TRABD2B: variants seen among roughly 807,000 people sequenced by gnomAD.
The protein encoded by TRABD2B is metalloprotease TIKI2.
A neutral mutation model predicts 40.1 loss-of-function variants in TRABD2B; 14 were observed. The observed-to-expected ratio is 0.35, with a 90% confidence interval of 0.23 to 0.55. TRABD2B has a LOEUF of 0.55. Among genes scored for constraint, TRABD2B ranks in the 20% least tolerant of loss-of-function variants. TRABD2B has a pLI of 0.90. For missense variants in TRABD2B, 541 were observed against 648.6 expected, an observed-to-expected ratio of 0.83 and a Z score of 1.80; for synonymous variants, 263 against 277.0, an observed-to-expected ratio of 0.95 and a Z score of 0.50.
chr1:47,992,552 T>G (rs1364181298), intron 2 of TRABD2B, among the ~76,000 whole-genome samples: 1 of 152,114 alleles, frequency 6.6e-6, no homozygotes, highest in Non-Finnish European at 1.5e-5. Flanking sequence ...AAAAAAGATA[T>G]CGAGGCCAGA....
chr1:47,932,307 C>T (rs1019484809), intron 2 of TRABD2B, among the ~76,000 whole-genome samples: 1 of 152,126 alleles, frequency 6.6e-6, no homozygotes, highest in Non-Finnish European at 1.5e-5. Flanking sequence ...ACAGAAGGTG[C>T]ACCAAGGAGA....
chr1:47,898,774 A>G (rs1466536239), intron 2 of TRABD2B, among the ~76,000 whole-genome samples: 3 of 152,180 alleles, frequency 2.0e-5, no homozygotes, highest in African/African-American at 7.2e-5. Flanking sequence ...GGGGTGTTAA[A>G]TGATGTATGG....
chr1:47,859,652 G>A (rs1347313341), intron 2 of TRABD2B, among the ~76,000 whole-genome samples: 1 of 152,190 alleles, frequency 6.6e-6, no homozygotes, highest in Non-Finnish European at 1.5e-5. Context: ...TCATCGTGGT[G>A]GAAGAAGCAG....
chr1:47,976,530 C>G (rs921217480), intron 2 of TRABD2B, among the ~76,000 whole-genome samples: 1 of 152,168 alleles, frequency 6.6e-6, no homozygotes, highest in East Asian at 1.9e-4. Flanking sequence ...TATTTCTACT[C>G]TCATGGAGCT....
intron 2 of TRABD2B, among the ~76,000 whole-genome samples, chr1:47,882,931 C>A (rs747376196): frequency 1.1e-4 from 17 of 152,118 alleles, no homozygotes; most frequent in Non-Finnish European, 2.1e-4. Context: ...GCTGCTCATT[C>A]CCACAACCCC....
intron 2 of TRABD2B, among the ~76,000 whole-genome samples, chr1:47,816,915 T>A (rs985842436): frequency 6.6e-6 from 1 of 152,178 alleles, no homozygotes; most frequent in Non-Finnish European, 1.5e-5. Context: ...AAGTAAGTGG[T>A]GGATGAATGA....
chr1:47,972,246 G>A (rs191459493), intron 2 of TRABD2B, among the ~76,000 whole-genome samples: 133 of 152,238 alleles, frequency 8.7e-4, no homozygotes, highest in Non-Finnish European at 1.6e-3. Flanking sequence ...ACTACCCATG[G>A]GAGCCACTGA....
intron 2 of TRABD2B, among the ~76,000 whole-genome samples, chr1:47,821,424 G>A (rs1645107378): frequency 6.6e-6 from 1 of 152,238 alleles, no homozygotes; most frequent in African/African-American, 2.4e-5. Context: ...GGGCCCACAG[G>A]AGTCTGACTC....
Position 47,997,306 on chromosome 1 carries a change from C to T in TRABD2B, c.-517G>A, listed in dbSNP as rs1646108889. 1 of 804,446 alleles carries T rather than the reference C, an allele frequency of 1.2e-6. No homozygotes were observed. 49.8% of individuals were successfully genotyped at this position (804,446 alleles called of 1,614,324 possible). A position where few individuals can be genotyped will look rare whatever the true frequency, so the allele number is the denominator to read the frequency against. ...GGCGACCGGCTGCCCCCGAGCCCGGCTCAGAGGGGCGGCGGGCGGCCGCGC... is the reference window on the plus strand; with the variant it reads ...GGCGACCGGCTGCCCCCGAGCCCGGTTCAGAGGGGCGGCGGGCGGCCGCGC... On this transcript the variant is annotated 5_prime_UTR_variant, in exon 1 of 7. Coordinates refer to ENST00000606738, the MANE Select transcript of TRABD2B (RefSeq NM_001194986.2).
At chr1:47,825,976 A>G (rs1645168615) in intron 2 of TRABD2B, among the ~76,000 whole-genome samples, 1 of 152,230 alleles carries the variant, frequency 6.6e-6, no homozygotes, top group South Asian at 2.1e-4. Flanking sequence ...AGAGGTTTCA[A>G]CAGAATGGAG....
At chr1:47,959,467 C>T (rs868455824) in intron 2 of TRABD2B, among the ~76,000 whole-genome samples, 3 of 151,956 alleles carry the variant, frequency 2.0e-5, no homozygotes, top group Middle Eastern at 3.4e-3. Flanking sequence ...GTTAGCAAGA[C>T]TAATAAAGAA....
chr1:47,885,646 A>G lies in TRABD2B; in HGVS notation c.667-84027T>C, dbSNP rs570773672. On this transcript the variant is annotated intron_variant, in intron 2 of 6. Transcript: ENST00000606738. The stretch of plus-strand genomic sequence containing the variant: ...AGCGGGAGGCAGGGAGTTCATGGTG[A>G]TAAATGAGGGCCTTTCAAGTAGCTC... 4.6e-5 allele frequency among the ~76,000 whole-genome samples: 7 copies of G among 152,254 alleles called. No individual in the cohort carries two copies. The East Asian group carries it at 1.4e-3, about 29-fold the overall frequency.
chr1:47,791,159 T>C (rs2124192025), intron 4 of TRABD2B, among the ~76,000 whole-genome samples: 1 of 152,326 alleles, frequency 6.6e-6, no homozygotes, highest in East Asian at 1.9e-4. Flanking sequence ...GGGTCGGGGT[T>C]GGGTCCTAAC....
intron 2 of TRABD2B, among the ~76,000 whole-genome samples, chr1:47,908,070 T>C (rs1382708674): frequency 6.6e-6 from 1 of 152,210 alleles, no homozygotes. Context: ...AAATGTGGTC[T>C]GTGGCCATTA....
chr1:47,773,826 T>A (rs977604894), intron 6 of TRABD2B, among the ~76,000 whole-genome samples: 1 of 152,208 alleles, frequency 6.6e-6, no homozygotes, highest in Non-Finnish European at 1.5e-5. Context: ...CTGAAACCAA[T>A]GCCCAAAGGA....
chr1:47,817,075 G>A (rs1302019133), intron 2 of TRABD2B, among the ~76,000 whole-genome samples: 1 of 152,112 alleles, frequency 6.6e-6, no homozygotes, highest in Admixed American at 6.5e-5. Flanking sequence ...TCACTAAAGG[G>A]AAAAAGGGAA....
At chr1:47,934,202 C>T (rs1266827349) in intron 2 of TRABD2B, among the ~76,000 whole-genome samples, 1 of 152,212 alleles carries the variant, frequency 6.6e-6, no homozygotes, top group East Asian at 1.9e-4. Flanking sequence ...TTGCTGTGAG[C>T]CCTCAGCTTG....
intron 2 of TRABD2B, among the ~76,000 whole-genome samples, chr1:47,889,720 C>T (rs1644419757): frequency 6.6e-6 from 1 of 152,224 alleles, no homozygotes; most frequent in African/African-American, 2.4e-5. Flanking sequence ...GGCATTTCTA[C>T]TCAACCTCCA....
At chr1:47,939,211 G>A (rs1645154247) in intron 2 of TRABD2B, among the ~76,000 whole-genome samples, 1 of 151,970 alleles carries the variant, frequency 6.6e-6, no homozygotes, top group Admixed American at 6.5e-5. Context: ...GGCAGAAGAT[G>A]GGATTGAAAG....
Sources: gnomAD v4.1 joint callset for allele counts (sites outside exome capture counted in the v4.1 genomes callset) on GRCh38, gnomAD v4.1.1 for gene constraint, MANE v1.5 for transcripts, NCBI Gene and HGNC (gene_info 2026-07-23, HGNC 2026-07-21) for gene names.